The following MROH7 variants were observed in gnomAD, a reference collection of about 807,000 sequenced individuals.
MROH7 encodes maestro heat-like repeat-containing protein family member 7.
A neutral mutation model predicts 129.2 loss-of-function variants in MROH7; 113 were observed. That is an observed-to-expected ratio of 0.87 (90% CI 0.75 to 1.02). The LOEUF (loss-of-function observed/expected upper bound fraction) is 1.02. MROH7 is among the 50% of genes least tolerant of loss of function. The pLI, the probability that MROH7 is intolerant of heterozygous loss-of-function variation, is 0.00. For missense variants in MROH7, 1,601 were observed against 1,671.3 expected (o/e 0.96, Z 0.73); for synonymous variants, 655 against 667.9 (o/e 0.98, Z 0.30).
At chr1:54,664,873 G>A (rs1216053226) in intron 3 of MROH7, among the ~76,000 whole-genome samples, 1 of 152,132 alleles carries the variant, frequency 6.6e-6, no homozygotes, top group Non-Finnish European at 1.5e-5. Context: ...TTAGACGGGT[G>A]TGATGGCGGG....
intron 22 of MROH7, 64 bp downstream of exon 22, chr1:54,706,601 TC>T: frequency 7.7e-7 from 1 of 1,300,430 alleles, no homozygotes; most frequent in Non-Finnish European, 1.1e-6. Context: ...GTTTGTTTCC[TC>T]CCAGGCTGCT....
At chr1:54,656,815 A>T (rs1644656237) in intron 3 of MROH7, among the ~76,000 whole-genome samples, 2 of 152,058 alleles carry the variant, frequency 1.3e-5, no homozygotes, top group Admixed American at 1.3e-4. Flanking sequence ...TGTCTCAAAA[A>T]TAAATAAATA....
chr1:54,643,101 C>G (rs991661217), intron 1 of MROH7, among the ~76,000 whole-genome samples: 2 of 152,220 alleles, frequency 1.3e-5, no homozygotes, highest in Admixed American at 6.5e-5. Context: ...TAGCCAGACA[C>G]TCACCAAACT....
chr1:54,699,164 T>TG (rs1645385831), intron 17 of MROH7: 5 of 103,824 alleles, frequency 4.8e-5, no homozygotes, highest in African/African-American at 2.0e-4. Context: ...CTTTCTTTTC[T>TG]TTCTTTCTTT....
intron 17 of MROH7, among the ~76,000 whole-genome samples, chr1:54,696,518 T>C (rs1645324475): frequency 6.6e-6 from 1 of 152,118 alleles, no homozygotes; most frequent in African/African-American, 2.4e-5. Flanking sequence ...TATTCTACTC[T>C]CTATCTCTAT....
chr1:54,691,857 ATCTCTC>A (rs377566096), intron 15 of MROH7, among the ~76,000 whole-genome samples: 2 of 114,552 alleles, frequency 1.7e-5, no homozygotes, highest in Admixed American at 9.5e-5. Flanking sequence ...CCTCTGTCTG[ATCTCTC>A]TCTCTCTCTC....
In MROH7 at chr1:54,695,408, G is replaced by A. The variant is rs565616326; in HGVS notation, c.2882G>A (p.Cys961Tyr). The stretch of plus-strand genomic sequence containing the variant: ...GTGCAGTACTCCTGCCAGGAGCTGT[G>A]CCGCATCCTCTACCTGCTCATCCCG... Reference protein sequence around the residue: ...AMVQYSCQELCRILYLLIPLL... With the variant: ...AMVQYSCQELYRILYLLIPLL... The change falls in exon 17 of 24, where the codon TGC (cysteine) becomes TAC (tyrosine). Residue 961 changes from cysteine (C) to tyrosine (Y), a missense_variant. Transcript: ENST00000421030. 1.0e-4 allele frequency: 166 copies of A among 1,613,378 alleles called. 3 individuals are homozygous for A. In the South Asian group the frequency reaches 1.7e-3, roughly 17 times the overall value.
chr1:54,653,613 C>A lies in MROH7; in HGVS notation c.687C>A (p.Asn229Lys). Reference protein sequence around the residue: ...NMGSRNTSKLNLNVAPDSHGT... With the variant: ...NMGSRNTSKLKLNVAPDSHGT... Reference sequence around the variant, plus strand: ...GCTCAAGAAACACCTCCAAGCTGAACCTGAATGTAGCTCCAGATTCTCATG... The same window carrying A: ...GCTCAAGAAACACCTCCAAGCTGAAACTGAATGTAGCTCCAGATTCTCATG... The change falls in exon 3 of 24, where the codon AAC becomes AAA. Residue 229 changes from asparagine to lysine, a missense_variant. Transcript: ENST00000421030. 1.9e-6 allele frequency: 3 copies of A among 1,614,178 alleles called. No homozygotes were observed. The highest frequency in any genetic ancestry group is 2.5e-6 in the Non-Finnish European group (3 of 1,180,034).
intron 16 of MROH7, among the ~76,000 whole-genome samples, chr1:54,692,948 G>A (rs1390271028): frequency 6.6e-6 from 1 of 152,314 alleles, no homozygotes; most frequent in South Asian, 2.1e-4. Flanking sequence ...CCTGGGACAA[G>A]TTACTTCCCT....
At chr1:54,648,436 G>C (rs1644505565) in intron 1 of MROH7, among the ~76,000 whole-genome samples, 1 of 151,748 alleles carries the variant, frequency 6.6e-6, no homozygotes. Flanking sequence ...CGCAATCTCG[G>C]CTCACTGCAA....
At chr1:54,666,827 A>C (rs1442546769) in intron 4 of MROH7, among the ~76,000 whole-genome samples, 1 of 152,144 alleles carries the variant, frequency 6.6e-6, no homozygotes, top group Non-Finnish European at 1.5e-5. Flanking sequence ...TATCTTGTGA[A>C]AGGGTCTGTT....
At chr1:54,664,360 T>C (rs996105417) in intron 3 of MROH7, among the ~76,000 whole-genome samples, 3 of 152,244 alleles carry the variant, frequency 2.0e-5, no homozygotes, top group Non-Finnish European at 2.9e-5. Context: ...GACAAGACCA[T>C]AGTGGCCTTT....
At chr1:54,669,459 A>G (rs1170737196) in intron 5 of MROH7, among the ~76,000 whole-genome samples, 3 of 152,194 alleles carry the variant, frequency 2.0e-5, no homozygotes, top group African/African-American at 7.2e-5. Flanking sequence ...CCATACCTTC[A>G]TTTAACTAAC....
chr1:54,694,151 G>A (rs777883339), intron 16 of MROH7, among the ~76,000 whole-genome samples: 12 of 152,098 alleles, frequency 7.9e-5, no homozygotes, highest in African/African-American at 1.2e-4. Context: ...CAAAGTGTTC[G>A]GATTACAGGC....
In MROH7 at chr1:54,677,270, A is replaced by G. The variant is rs146980233; in HGVS notation, c.1937-1472A>G. Among the ~76,000 whole-genome samples the G allele has an allele frequency of 3.5e-4, 53 of 152,302 alleles. No homozygotes were observed. In the East Asian group the frequency reaches 9.5e-3, roughly 27 times the overall value. On this transcript the variant is annotated intron_variant, in intron 10 of 23. Coordinates refer to ENST00000421030, the MANE Select transcript of MROH7 (RefSeq NM_001039464.4). ...AAAAATAAGCCACGTGTGGTGGCGCATGCCTATAGTCCCCACTACTTGAGA... is the reference window on the plus strand; with the variant it reads ...AAAAATAAGCCACGTGTGGTGGCGCGTGCCTATAGTCCCCACTACTTGAGA...
chr1:54,674,239 T>A (rs12122650), intron 10 of MROH7, 88 bp downstream of exon 10: 7 of 1,469,898 alleles, frequency 4.8e-6, no homozygotes, highest in Non-Finnish European at 6.4e-6. Flanking sequence ...AGCCTTGGCA[T>A]TAAGGCACTG....
chr1:54,656,462 A>T (rs1040957052), intron 3 of MROH7, among the ~76,000 whole-genome samples: 7 of 144,072 alleles, frequency 4.9e-5, no homozygotes, highest in African/African-American at 1.3e-4. Context: ...GTGAGCCGAG[A>T]TTGAGCCACT....
chr1:54,676,643 C>T (rs1644985445), intron 10 of MROH7, among the ~76,000 whole-genome samples: 2 of 151,958 alleles, frequency 1.3e-5, no homozygotes, highest in South Asian at 2.1e-4. Context: ...GATCTGACTG[C>T]CTTGGCCTCC....
rs1284529568 is a variant in MROH7 at position 54,702,285 on chromosome 1, G to A, written c.3441+40G>A. 16 of 1,375,536 alleles carry A rather than the reference G, an allele frequency of 1.2e-5. No homozygotes were observed. In the Admixed American group the frequency reaches 2.6e-4, roughly 23 times the overall value. 85.2% of individuals were successfully genotyped at this position (1,375,536 alleles called of 1,614,324 possible). ...GCCCTGCACCCTCTACCCCTCCCTCGGGTCCTGTGGGCGCACCTCTTTTTA... is the reference window on the plus strand; with the variant it reads ...GCCCTGCACCCTCTACCCCTCCCTCAGGTCCTGTGGGCGCACCTCTTTTTA... On this transcript the variant is annotated intron_variant, in intron 20 of 23. Transcript: ENST00000421030.
Sources: allele counts gnomAD v4.1 joint callset (sites outside exome capture counted in the v4.1 genomes callset), GRCh38; gene constraint gnomAD v4.1.1; transcripts MANE v1.5; gene names NCBI Gene and HGNC (gene_info 2026-07-23, HGNC 2026-07-21).